The following GABRB2 variants were observed in gnomAD, a reference collection of about 807,000 sequenced individuals.
The protein encoded by GABRB2 is gamma-aminobutyric acid type A receptor subunit beta2.
In GABRB2, 16 loss-of-function variants were observed where a neutral mutation model predicts 54.7. The ratio of observed to expected loss-of-function variants is 0.29; its 90% CI spans 0.20 to 0.44. The LOEUF (loss-of-function observed/expected upper bound fraction) is 0.44. GABRB2 is among the 20% of genes least tolerant of loss of function. The pLI is 1.00. For synonymous variants in GABRB2, 244 were observed against 233.8 expected, an observed-to-expected ratio of 1.04 and a Z score of -0.40; for missense variants, 355 against 644.0, an observed-to-expected ratio of 0.55 and a Z score of 4.86.
chr5:161,476,574 G>A (rs866836803), intron 3 of GABRB2, among the ~76,000 whole-genome samples: 13 of 151,804 alleles, frequency 8.6e-5, no homozygotes, highest in African/African-American at 2.9e-4. Context: ...AAACAGTGTG[G>A]TAGGGGCATA....
rs771899561 is a variant in GABRB2 at position 161,459,638 on chromosome 5, G to T, written c.444C>A (p.Val148=). 1 of 1,613,982 alleles carries T rather than the reference G, an allele frequency of 6.2e-7. No individual in the cohort carries two copies. Among genetic ancestry groups the T allele is most frequent in the South Asian group, 1.1e-5 (1 of 91,072 alleles). Residue 148 remains valine (V), a synonymous_variant, in exon 4 of 10, where the codon GTC becomes GTA. Transcript: ENST00000393959. ...RMIRLHPDGT[V]LYGLRITTTA... ...GGACAACAGACCTGAGTCCATAAAG[G>T]ACGGTGCCATCAGGATGCAGGCGAA...
At chr5:161,297,373 G>T (rs924551876) in intron 9 of GABRB2, among the ~76,000 whole-genome samples, 5 of 152,086 alleles carry the variant, frequency 3.3e-5, no homozygotes, top group Admixed American at 2.0e-4. Flanking sequence ...ATGGTGGTTT[G>T]CTGCACCCAT....
chr5:161,331,378 G>A (rs1753834850), intron 7 of GABRB2, among the ~76,000 whole-genome samples: 1 of 152,052 alleles, frequency 6.6e-6, no homozygotes, highest in Admixed American at 6.6e-5. Context: ...ATCTAGTGCG[G>A]GGTTAAAACG....
intron 3 of GABRB2, among the ~76,000 whole-genome samples, chr5:161,538,790 C>A (rs552369705): frequency 3.3e-5 from 5 of 151,842 alleles, no homozygotes; most frequent in Admixed American, 6.6e-5. Context: ...TGCCACTGCA[C>A]TGCCCAGGCA....
intron 3 of GABRB2, among the ~76,000 whole-genome samples, chr5:161,544,480 C>A (rs888302401): frequency 1.3e-5 from 2 of 152,104 alleles, no homozygotes; most frequent in East Asian, 1.9e-4. Context: ...TTGAAGCAAA[C>A]CCCCCAACAC....
At chr5:161,316,339 T>C (rs1303111328) in intron 9 of GABRB2, among the ~76,000 whole-genome samples, 2 of 152,112 alleles carry the variant, frequency 1.3e-5, no homozygotes, top group Non-Finnish European at 2.9e-5. Context: ...AACACTGCTA[T>C]AGGTACATCC....
At chr5:161,459,911 T>C in intron 3 of GABRB2, 67 bp from the exon 4 acceptor site, 1 of 818,668 alleles carries the variant, frequency 1.2e-6, no homozygotes, top group Non-Finnish European at 2.0e-6. Context: ...TAAGCAAACA[T>C]CTCAGTATTA....
At chr5:161,410,688 C>G (rs992679042) in intron 5 of GABRB2, among the ~76,000 whole-genome samples, 3 of 152,162 alleles carry the variant, frequency 2.0e-5, no homozygotes, top group Non-Finnish European at 4.4e-5. Context: ...ATTTTAAATG[C>G]CTGAAATAGC....
At chr5:161,315,101 A>G (rs771585191) in intron 9 of GABRB2, among the ~76,000 whole-genome samples, 3 of 152,214 alleles carry the variant, frequency 2.0e-5, no homozygotes, top group Admixed American at 6.5e-5. Context: ...GCATAAAAAT[A>G]GGCAAAATAT....
chr5:161,468,493 A>G (rs900905035), intron 3 of GABRB2, among the ~76,000 whole-genome samples: 2 of 152,072 alleles, frequency 1.3e-5, no homozygotes, highest in South Asian at 4.1e-4. Flanking sequence ...AGCTCAACTC[A>G]AAGCTCAAAC....
At chr5:161,467,358 T>TA (rs1758309925) in intron 3 of GABRB2, among the ~76,000 whole-genome samples, 1 of 152,106 alleles carries the variant, frequency 6.6e-6, no homozygotes, top group Non-Finnish European at 1.5e-5. Context: ...TTCTTTCACT[T>TA]ACGCTATATC....
intron 3 of GABRB2, among the ~76,000 whole-genome samples, chr5:161,519,972 C>A (rs1179333449): frequency 6.6e-6 from 1 of 151,940 alleles, no homozygotes; most frequent in Non-Finnish European, 1.5e-5. Context: ...TTTTATAGTT[C>A]TTTTTTCCAA....
chr5:161,340,769 T>G (rs1754134154), intron 5 of GABRB2, among the ~76,000 whole-genome samples: 1 of 152,060 alleles, frequency 6.6e-6, no homozygotes, highest in Non-Finnish European at 1.5e-5. Flanking sequence ...AAAATAAATG[T>G]AAAACATATT....
intron 3 of GABRB2, among the ~76,000 whole-genome samples, chr5:161,538,414 C>T (rs1760710067): frequency 6.6e-6 from 1 of 152,158 alleles, no homozygotes; most frequent in South Asian, 2.1e-4. Context: ...GACGAAGGAA[C>T]TTATAGGAGA....
intron 4 of GABRB2, among the ~76,000 whole-genome samples, chr5:161,422,871 C>T (rs1033632220): frequency 3.3e-5 from 5 of 152,232 alleles, no homozygotes; most frequent in Non-Finnish European, 7.4e-5. Context: ...GTGGAAATAT[C>T]ATCATTTAAT....
rs186679887 is a variant in GABRB2, at chr5:161,386,717, T to G, written c.541+24258A>C. On this transcript the variant is annotated intron_variant, in intron 5 of 9. Transcript: ENST00000393959. ...CTACCATGCCCAGCTAATTTTTGTATTTTTGGTGGAGGTGGGGTTTCACCA... is the reference window on the plus strand; with the variant it reads ...CTACCATGCCCAGCTAATTTTTGTAGTTTTGGTGGAGGTGGGGTTTCACCA... Among the ~76,000 whole-genome samples the G allele has an allele frequency of 2.7e-3, 409 of 152,036 alleles. 2 individuals carry two copies. The highest frequency in any genetic ancestry group is 9.6e-3 in the African/African-American group (398 of 41,492).
chr5:161,317,230 G>A (rs1026582979), intron 9 of GABRB2, among the ~76,000 whole-genome samples: 6 of 152,098 alleles, frequency 3.9e-5, no homozygotes, highest in Admixed American at 3.9e-4. Context: ...TTGGGTGATG[G>A]ATAACCCAAA....
intron 4 of GABRB2, among the ~76,000 whole-genome samples, chr5:161,427,373 G>T (rs34980441): frequency 6.6e-6 from 1 of 152,162 alleles, no homozygotes; most frequent in Non-Finnish European, 1.5e-5. Flanking sequence ...GGCGGATAGT[G>T]AGGGCTGTAA....
At chr5:161,397,940 A>C (rs1033504644) in intron 5 of GABRB2, among the ~76,000 whole-genome samples, 4 of 152,186 alleles carry the variant, frequency 2.6e-5, no homozygotes, top group Non-Finnish European at 4.4e-5. Flanking sequence ...TAGATACACC[A>C]CAATGAGAAA....
Sources: allele counts gnomAD v4.1 joint callset (sites outside exome capture counted in the v4.1 genomes callset), GRCh38; gene constraint gnomAD v4.1.1; transcripts MANE v1.5; gene names NCBI Gene and HGNC (gene_info 2026-07-23, HGNC 2026-07-21).